Variants in OSBPL9 observed in about 807,000 individuals in gnomAD.
OSBPL9 encodes the protein oxysterol binding protein like 9, also known as oxysterol-binding protein-related protein 9.
In OSBPL9, 40 loss-of-function variants were observed where a neutral mutation model predicts 106.6. That is an observed-to-expected ratio of 0.38 (90% confidence interval 0.29 to 0.49). The LOEUF is 0.49. OSBPL9 is among the 20% of genes least tolerant of loss of function. The probability of loss-of-function intolerance (pLI) is 0.97; values close to 1 mark genes in which losing one functional copy is unlikely to be tolerated. For synonymous variants in OSBPL9, 269 were observed against 295.4 expected (o/e 0.91, Z 0.92); for missense variants, 609 against 887.2 (o/e 0.69, Z 3.98).
In OSBPL9 at chr1:51,713,905, T is replaced by A. The variant is rs1465459891; in HGVS notation, c.242-98T>A. 3 of 987,798 alleles carry A rather than the reference T, an allele frequency of 3.0e-6. No individual in the cohort carries two copies. In the African/African-American group the frequency reaches 4.9e-5, roughly 16 times the overall value. The allele number at this position is 987,798 out of a possible 1,614,324, so 61.2% of individuals were successfully genotyped here. A position where few individuals can be genotyped will look rare whatever the true frequency, so the allele number is the denominator to read the frequency against. ...AAGGAAATGGTACAACTAAAAACCT[T>A]TTCTGTTAGCCATCATAGTTTTAAA... is the stretch of plus-strand genomic sequence containing the variant. On this transcript the variant is annotated intron_variant, in intron 3 of 23. Coordinates refer to ENST00000428468, the MANE Select transcript of OSBPL9 (RefSeq NM_024586.6).
At chr1:51,584,473 C>T (rs940986251) in intron 1 of OSBPL9, among the ~76,000 whole-genome samples, 2 of 142,358 alleles carry the variant, frequency 1.4e-5, no homozygotes, top group Non-Finnish European at 3.0e-5. Flanking sequence ...CTTTGGGAGG[C>T]CAAGCTGAGG....
intron 3 of OSBPL9, among the ~76,000 whole-genome samples, chr1:51,705,850 C>T (rs1658433602): frequency 6.6e-6 from 1 of 152,224 alleles, no homozygotes; most frequent in East Asian, 1.9e-4. Context: ...ACAACTTGGA[C>T]ATGATCTATT....
intron 4 of OSBPL9, among the ~76,000 whole-genome samples, chr1:51,725,080 G>A (rs934440811): frequency 2.7e-5 from 4 of 148,154 alleles, no homozygotes; most frequent in African/African-American, 7.4e-5. Flanking sequence ...TGTGGTTGTC[G>A]TACAGTTATT....
At chr1:51,594,444 AAAAG>A (rs1222559610) in intron 1 of OSBPL9, among the ~76,000 whole-genome samples, 3 of 151,988 alleles carry the variant, frequency 2.0e-5, no homozygotes, top group African/African-American at 7.3e-5. Flanking sequence ...AAAAAGAAAA[AAAAG>A]AAACAGAAAA....
At chr1:51,762,039 T>C in intron 11 of OSBPL9, 68 bp downstream of exon 11, 1 of 1,130,492 alleles carries the variant, frequency 8.8e-7, no homozygotes, top group East Asian at 2.4e-5. Context: ...TTGTGACCTC[T>C]GATGAGGAGG....
chr1:51,630,532 T>C (rs777963264), intron 1 of OSBPL9, among the ~76,000 whole-genome samples: 36 of 151,830 alleles, frequency 2.4e-4, no homozygotes, highest in Non-Finnish European at 4.6e-4. Flanking sequence ...TAAAAAATGG[T>C]ACACCTGTAT....
At chr1:51,624,114 A>G (rs1644616150) in intron 1 of OSBPL9, among the ~76,000 whole-genome samples, 1 of 151,690 alleles carries the variant, frequency 6.6e-6, no homozygotes, top group Non-Finnish European at 1.5e-5. Flanking sequence ...ACGAGGTTTC[A>G]CCATGTTGAC....
chr1:51,683,792 C>CA (rs143195993), intron 3 of OSBPL9, among the ~76,000 whole-genome samples: 21,719 of 139,302 alleles, frequency 0.16, 1,729 homozygotes, highest in Middle Eastern at 0.24. Context: ...GACTCTGTCT[C>CA]AAAAAAAAAA....
intron 4 of OSBPL9, among the ~76,000 whole-genome samples, chr1:51,720,540 G>A (rs1661902219): frequency 6.6e-6 from 1 of 151,914 alleles, no homozygotes; most frequent in Admixed American, 6.6e-5. Flanking sequence ...TGTCAAGATG[G>A]TCTCAATCTC....
intron 3 of OSBPL9, among the ~76,000 whole-genome samples, chr1:51,690,182 G>A (rs1265236101): frequency 6.6e-6 from 1 of 152,136 alleles, no homozygotes; most frequent in Middle Eastern, 3.2e-3. Flanking sequence ...TTTACTGTAG[G>A]AGCTACATTT....
intron 4 of OSBPL9, among the ~76,000 whole-genome samples, chr1:51,741,649 CTT>C (rs11310384): frequency 9.0e-5 from 13 of 144,824 alleles, no homozygotes; most frequent in Non-Finnish European, 1.5e-4. Flanking sequence ...AAAACAGAGA[CTT>C]TTTTTTTTTA....
the OSBPL9 span, among the ~76,000 whole-genome samples, chr1:51,537,870 T>C: frequency 6.6e-6 from 1 of 152,136 alleles, no homozygotes; most frequent in East Asian, 1.9e-4. Flanking sequence ...TAATAATTCA[T>C]TACTGATACT....
chr1:51,644,903 C>G (rs1383582960), intron 1 of OSBPL9, among the ~76,000 whole-genome samples: 1 of 152,170 alleles, frequency 6.6e-6, no homozygotes, highest in Non-Finnish European at 1.5e-5. Flanking sequence ...ACTTTCTGAT[C>G]ATCACTGCTC....
the OSBPL9 span, among the ~76,000 whole-genome samples, chr1:51,523,745 C>T: frequency 2.0e-5 from 3 of 152,130 alleles, no homozygotes; most frequent in Non-Finnish European, 4.4e-5. Flanking sequence ...GCTTTGTCAC[C>T]AATCATCTTT....
At chr1:51,662,436 A>G (rs1647263716) in intron 2 of OSBPL9, among the ~76,000 whole-genome samples, 3 of 152,136 alleles carry the variant, frequency 2.0e-5, no homozygotes, top group African/African-American at 4.8e-5. Context: ...CTTTTCCATT[A>G]TGATAAGTGG....
At chr1:51,639,605 A>G (rs993403947) in intron 1 of OSBPL9, among the ~76,000 whole-genome samples, 3 of 152,182 alleles carry the variant, frequency 2.0e-5, no homozygotes, top group African/African-American at 7.2e-5. Flanking sequence ...CATGTAAGAT[A>G]GAAATAATAA....
chr1:51,613,339 G>A (rs75874404), upstream of OSBPL9, among the ~76,000 whole-genome samples: 1,872 of 152,326 alleles, frequency 0.012, 40 homozygotes, highest in African/African-American at 0.044. Flanking sequence ...GTTTCTATAG[G>A]AAGTGTATAG....
At chr1:51,519,118 G>A in the OSBPL9 span, 1 of 1,010,174 alleles carries the variant, frequency 9.9e-7, no homozygotes, top group Non-Finnish European at 1.4e-6. Context: ...TGGCCCACAA[G>A]CCAAGAAGTC....
chr1:51,585,161 G>A lies in OSBPL9; in HGVS notation c.-423+7905G>A, dbSNP rs143344102. ...TGCACTCCAAGCCTGGTGACAGAGTGAGGCCCCATCTCTTAAAAAAAAAAA... is the reference window on the plus strand; with the variant it reads ...TGCACTCCAAGCCTGGTGACAGAGTAAGGCCCCATCTCTTAAAAAAAAAAA... On this transcript the variant is annotated intron_variant, in intron 1 of 25. Coordinates refer to the OSBPL9 transcript ENST00000371714. Among the ~76,000 whole-genome samples the A allele has an allele frequency of 9.9e-3, 1,209 of 121,700 alleles. 14 individuals are homozygous for A. The highest frequency in any genetic ancestry group is 0.037 in the African/African-American group (1,159 of 31,470). 79.8% of individuals were successfully genotyped at this position (121,700 alleles called of 152,430 possible).
Sources: gnomAD v4.1 joint callset for allele counts (sites outside exome capture counted in the v4.1 genomes callset) on GRCh38, gnomAD v4.1.1 for gene constraint, MANE v1.5 for transcripts, NCBI Gene and HGNC (gene_info 2026-07-23, HGNC 2026-07-21) for gene names.